The following DLC1 variants were observed in gnomAD, a reference collection of about 807,000 sequenced individuals.
The protein encoded by DLC1 is rho GTPase-activating protein 7.
A neutral mutation model predicts 140.3 loss-of-function variants in DLC1; 54 were observed. That is an observed-to-expected ratio of 0.38 (90% confidence interval 0.31 to 0.48). The LOEUF is 0.48. DLC1 is among the 20% of genes least tolerant of loss of function. The probability of loss-of-function intolerance (pLI) is 0.96; values close to 1 mark genes in which losing one functional copy is unlikely to be tolerated. For synonymous variants in DLC1, 986 were observed against 728.1 expected (o/e 1.35, Z -5.70); for missense variants, 2,536 against 1,907.0 (o/e 1.33, Z -6.14).
intron 2 of DLC1, among the ~76,000 whole-genome samples, chr8:13,418,036 C>T (rs1285932868): frequency 6.6e-6 from 1 of 152,166 alleles, no homozygotes; most frequent in East Asian, 1.9e-4. Flanking sequence ...CTGTTCATAT[C>T]GTTTGCCTAC....
Position 13,100,508 on chromosome 8 carries a change from C to T in DLC1, c.1829G>A (p.Ser610Asn), listed in dbSNP as rs1345313568. The T allele has an allele frequency of 6.2e-7, 1 of 1,612,360 alleles. No homozygotes were observed. Among genetic ancestry groups the T allele is most frequent in the Non-Finnish European group, 8.5e-7 (1 of 1,179,862 alleles). Residue 610 changes from serine (S) to asparagine (N), a missense_variant, in exon 9 of 18, where the codon AGC (serine) becomes AAC (asparagine). By Grantham distance (46) the Ser-to-Asn change is conservative. Transcript: ENST00000276297. ...AGTCCGGGGGGTGGCAGCATCCTCG[C>T]TGGGGGGCGCGTGGCTGGGGAGGCT... Reference protein sequence around the residue: ...TGSLPSHAPPSEDAATPRTNS... With the variant: ...TGSLPSHAPPNEDAATPRTNS...
intron 2 of DLC1, among the ~76,000 whole-genome samples, chr8:13,447,560 A>G (rs532674790): frequency 6.6e-6 from 1 of 152,266 alleles, no homozygotes; most frequent in South Asian, 2.1e-4. Flanking sequence ...ACATCTCAAT[A>G]CTATTTTAGA....
At chr8:13,231,125 G>T (rs983653347) in intron 5 of DLC1, among the ~76,000 whole-genome samples, 1 of 151,904 alleles carries the variant, frequency 6.6e-6, no homozygotes, top group African/African-American at 2.4e-5. Flanking sequence ...TGCAGGAGTT[G>T]CATACATTAC....
chr8:13,390,866 T>G (rs964010076), intron 4 of DLC1, among the ~76,000 whole-genome samples: 1 of 151,932 alleles, frequency 6.6e-6, no homozygotes, highest in Non-Finnish European at 1.5e-5. Flanking sequence ...AGGGCACCTG[T>G]AGTCCCAGCT....
intron 5 of DLC1, chr8:13,305,031 A>C: frequency 1.8e-6 from 2 of 1,141,754 alleles, no homozygotes; most frequent in Non-Finnish European, 2.2e-6. Context: ...GGTTGCAGTT[A>C]CAAGGAAGAC....
intron 5 of DLC1, among the ~76,000 whole-genome samples, chr8:13,142,787 C>T (rs577019997): frequency 6.6e-6 from 1 of 152,174 alleles, no homozygotes; most frequent in East Asian, 1.9e-4. Context: ...AGGTGGCTCA[C>T]GCCTGTAATC....
At chr8:13,401,051 C>A (rs565819289) in intron 3 of DLC1, among the ~76,000 whole-genome samples, 11 of 152,334 alleles carry the variant, frequency 7.2e-5, no homozygotes, top group African/African-American at 2.2e-4. Context: ...TGGCATCCAT[C>A]CATCCATCCA....
chr8:13,202,524 A>G (rs1458016268), intron 5 of DLC1, among the ~76,000 whole-genome samples: 1 of 152,094 alleles, frequency 6.6e-6, no homozygotes, highest in Non-Finnish European at 1.5e-5. Context: ...ATCTCTGCAG[A>G]ATTTCTAAGC....
intron 5 of DLC1, among the ~76,000 whole-genome samples, chr8:13,217,589 C>A (rs573869935): frequency 6.6e-6 from 1 of 152,152 alleles, no homozygotes; most frequent in South Asian, 2.1e-4. Flanking sequence ...AATCCCAGCA[C>A]TTTGGGAGGC....
chr8:13,327,120 A>ATTTTTTT (rs34667525), intron 4 of DLC1, among the ~76,000 whole-genome samples: 9 of 85,634 alleles, frequency 1.1e-4, no homozygotes, highest in East Asian at 3.7e-4. Flanking sequence ...ACACCCGGCT[A>ATTTTTTT]TTTTTTTTTT....
At chr8:13,465,132 A>G (rs982669529) in intron 2 of DLC1, among the ~76,000 whole-genome samples, 5 of 152,120 alleles carry the variant, frequency 3.3e-5, no homozygotes, top group Admixed American at 3.3e-4. Flanking sequence ...GCTACAAAGT[A>G]TTTGTCCATT....
At chr8:13,479,103 G>C (rs1279338563) in intron 2 of DLC1, among the ~76,000 whole-genome samples, 2 of 152,044 alleles carry the variant, frequency 1.3e-5, no homozygotes, top group African/African-American at 4.8e-5. Flanking sequence ...TTTATTTTAT[G>C]CTTCCCTCCT....
chr8:13,109,246 G>T (rs144627796), intron 7 of DLC1, among the ~76,000 whole-genome samples: 1 of 151,946 alleles, frequency 6.6e-6, no homozygotes, highest in Non-Finnish European at 1.5e-5. Flanking sequence ...CTACCTTCAT[G>T]ATGTTTTTCC....
chr8:13,193,830 T>C (rs1179577865), intron 5 of DLC1, among the ~76,000 whole-genome samples: 1 of 152,174 alleles, frequency 6.6e-6, no homozygotes, highest in Non-Finnish European at 1.5e-5. Context: ...CCAGTACTCA[T>C]TGGATTTCAA....
At chr8:13,164,045 C>T (rs1294649766) in intron 5 of DLC1, among the ~76,000 whole-genome samples, 1 of 152,012 alleles carries the variant, frequency 6.6e-6, no homozygotes, top group Non-Finnish European at 1.5e-5. Flanking sequence ...ACCTGCAATC[C>T]CAGCGCTTTG....
chr8:13,248,503 A>AT (rs1248075703), intron 5 of DLC1, among the ~76,000 whole-genome samples: 2 of 151,976 alleles, frequency 1.3e-5, no homozygotes, highest in Admixed American at 1.3e-4. Flanking sequence ...ACTCCCCCTT[A>AT]TTTATTAAAG....
Position 13,469,147 on chromosome 8 carries a change from G to T in DLC1, c.1023+29902C>A, listed in dbSNP as rs978370066. ...GTCTGCTTTTTATTCCCAGATTTTT[G>T]CTTGTATCTTAATAATTTTCTTTCT... On this transcript the variant is annotated intron_variant, in intron 2 of 17. Coordinates refer to ENST00000276297, the MANE Select transcript of DLC1 (RefSeq NM_182643.3). Among the ~76,000 whole-genome samples the T allele has an allele frequency of 1.3e-5, 2 of 151,978 alleles. 1 individual carries two copies. The highest frequency in any genetic ancestry group is 4.2e-4 in the South Asian group (2 of 4,812).
intron 5 of DLC1, among the ~76,000 whole-genome samples, chr8:13,255,961 G>C (rs1003172491): frequency 1.3e-5 from 2 of 152,118 alleles, no homozygotes; most frequent in African/African-American, 4.8e-5. Flanking sequence ...GTATAGTAAT[G>C]AACAAATATC....
intron 4 of DLC1, among the ~76,000 whole-genome samples, chr8:13,379,948 G>C (rs1022954668): frequency 4.6e-5 from 7 of 152,122 alleles, no homozygotes; most frequent in Non-Finnish European, 4.4e-5. Context: ...TGAACAATGA[G>C]AACACATAGA....
Sources: gnomAD v4.1 joint callset for allele counts (sites outside exome capture counted in the v4.1 genomes callset) on GRCh38, gnomAD v4.1.1 for gene constraint, MANE v1.5 for transcripts, NCBI Gene and HGNC (gene_info 2026-07-23, HGNC 2026-07-21) for gene names.